The following HEATR5B variants were observed in gnomAD, a reference collection of about 807,000 sequenced individuals.
The protein encoded by HEATR5B is HEAT repeat-containing protein 5B.
Under a neutral mutation model 224.1 loss-of-function variants are expected in HEATR5B, and 156 were observed. The observed-to-expected ratio is 0.70, with a 90% CI of 0.61 to 0.80. The LOEUF is 0.80. HEATR5B is among the 30% of genes least tolerant of loss of function. The pLI is 0.00. For missense variants in HEATR5B, 2,323 were observed against 2,535.5 expected (o/e 0.92, Z 1.80); for synonymous variants, 1,027 against 893.0 (o/e 1.15, Z -2.68).
intron 34 of HEATR5B, 138 bp downstream of exon 34, chr2:36,990,506 ATTTG>A (rs1254911201): frequency 1.5e-5 from 10 of 651,096 alleles, no homozygotes; most frequent in African/African-American, 3.6e-5. Context: ...AAACCCAGTG[ATTTG>A]TTTCAGTTTT....
intron 12 of HEATR5B, among the ~76,000 whole-genome samples, chr2:37,060,117 T>C (rs1010782509): frequency 5.3e-5 from 8 of 152,228 alleles, no homozygotes; most frequent in African/African-American, 9.6e-5. Flanking sequence ...ATTTTTGTAA[T>C]GTTGATATCT....
intron 30 of HEATR5B, among the ~76,000 whole-genome samples, chr2:37,004,612 G>A (rs1667295216): frequency 6.6e-6 from 1 of 151,702 alleles, no homozygotes; most frequent in South Asian, 2.1e-4. Flanking sequence ...TCCTCTGCGG[G>A]AGGTCACCAA....
At position 37,011,115 on chromosome 2, in the gene HEATR5B, T is replaced by G. The variant is rs541487339; in HGVS notation, c.4285-2267A>C. Among the ~76,000 whole-genome samples, 7 of 152,318 alleles carry G rather than the reference T, an allele frequency of 4.6e-5. No homozygotes were observed. In the East Asian group the frequency reaches 1.3e-3, roughly 29 times the overall value. ...TGCACAGACAGTGTCTGGTACCTAA[T>G]GAACACTCGGCAGTTTATGCAATGA... On this transcript the variant is annotated intron_variant, in intron 27 of 35. Transcript: ENST00000233099.
chr2:37,010,123 T>C (rs1667695758), intron 27 of HEATR5B, among the ~76,000 whole-genome samples: 1 of 152,218 alleles, frequency 6.6e-6, no homozygotes, highest in Non-Finnish European at 1.5e-5. Flanking sequence ...TTTTCCTTTG[T>C]TTTGTAATAC....
Position 37,058,490 on chromosome 2 carries a change from A to G in HEATR5B, c.2020T>C (p.Tyr674His). The G allele has an allele frequency of 6.2e-7, 1 of 1,612,678 alleles. No homozygotes were observed. Among genetic ancestry groups the G allele is most frequent in the Non-Finnish European group, 8.5e-7 (1 of 1,178,822 alleles). ...ASAAMVRLRL[Y>H]DILALLPPKT... Reference sequence around the variant, plus strand: ...GGAGGTAACAAAGCCAAGATATCATAAAGTCTTAAACGGACCATTGCAGCA... The same window carrying G: ...GGAGGTAACAAAGCCAAGATATCATGAAGTCTTAAACGGACCATTGCAGCA... Residue 674 changes from tyrosine to histidine, a missense_variant, in exon 14 of 36, where the codon TAT becomes CAT. This residue lies in a region of HEATR5B where 502 missense variants were observed against 517.8 expected (regional missense o/e 0.97). Coordinates refer to ENST00000233099, the MANE Select transcript of HEATR5B (RefSeq NM_019024.3).
Position 37,079,215 on chromosome 2 carries a change from G to A in HEATR5B, c.243C>T (p.Ser81=). 1 of 1,603,276 alleles carries A rather than the reference G, an allele frequency of 6.2e-7. No homozygotes were observed. Among genetic ancestry groups the A allele is most frequent in the Non-Finnish European group, 8.5e-7 (1 of 1,170,174 alleles). ...LLAKNLAALY[S]IGDTFTVFQT... ...GAAAAACTGTGAAAGTATCCCCAAT[G>A]CTATAAAGGGCTGCGAGATTTTTAG... The change falls in exon 3 of 36, where the codon AGC becomes AGT. Residue 81 remains serine, a synonymous_variant. Transcript: ENST00000233099.
At position 37,056,551 on chromosome 2, in the gene HEATR5B, C is replaced by G. The variant is rs925260199; in HGVS notation, c.2288G>C (p.Arg763Pro). 4 of 1,612,728 alleles carry G rather than the reference C, an allele frequency of 2.5e-6. No homozygotes were observed. The highest frequency in any genetic ancestry group is 2.7e-5 in the African/African-American group (2 of 74,792). Residue 763 changes from arginine (R) to proline (P), a missense_variant, in exon 16 of 36, where the codon CGC becomes CCC. By Grantham distance (103) the Arg-to-Pro change is moderately radical. Around this residue, in one of 12 missense-constraint regions of HEATR5B, gnomAD observed 170 missense variants for 216.7 expected, o/e 0.78. Transcript: ENST00000233099. Reference protein sequence around the residue: ...LEHDPSSIYLRIPAGEAVPGP... With the variant: ...LEHDPSSIYLPIPAGEAVPGP... ...AGGTACTGCTTCTCCAGCAGGTATG[C>G]GTAAATAAATAGAGGAAGGATCATG...
chr2:37,077,727 A>C (rs1224851311), intron 3 of HEATR5B, among the ~76,000 whole-genome samples: 1 of 152,220 alleles, frequency 6.6e-6, no homozygotes. Context: ...TATATCATTT[A>C]CTGTGTTGTA....
At chr2:37,072,451 G>A (rs1247144779) in intron 5 of HEATR5B, among the ~76,000 whole-genome samples, 170 bp from the exon 6 acceptor site, 3 of 152,050 alleles carry the variant, frequency 2.0e-5, no homozygotes, top group African/African-American at 2.4e-5. Flanking sequence ...CATCTTTGAG[G>A]AAAAAAACAA....
At chr2:37,045,658 G>A (rs1670144965) in intron 18 of HEATR5B, among the ~76,000 whole-genome samples, 2 of 152,084 alleles carry the variant, frequency 1.3e-5, no homozygotes, top group African/African-American at 4.8e-5. Context: ...TGATCCTTCT[G>A]TTCATAGCTC....
chr2:37,066,528 C>G (rs1056320353), intron 8 of HEATR5B, among the ~76,000 whole-genome samples: 5 of 152,164 alleles, frequency 3.3e-5, no homozygotes, highest in Admixed American at 6.5e-5. Flanking sequence ...TTACCTCTTA[C>G]TGGAATGTTT....
Position 37,041,179 on chromosome 2 carries a change from C to G in HEATR5B, c.2810G>C (p.Ser937Thr). 3.7e-6 allele frequency: 6 copies of G among 1,614,024 alleles called. No homozygotes were observed. The highest frequency in any genetic ancestry group is 5.1e-6 in the Non-Finnish European group (6 of 1,179,934). The part of the protein sequence containing the change: ...GSGQHLKTSV[S>T]ILLALAQDGT... ...ATCTTGTGCTAGAGCCAATAAAATG[C>G]TGACACTGGTCTTCAGATGTTGTCC... The change falls in exon 19 of 36, where the codon AGC becomes ACC. Residue 937 changes from serine to threonine, a missense_variant. Ser to Thr is a moderately conservative substitution (Grantham distance 58, BLOSUM62 1). This residue lies in a region of HEATR5B where 11 missense variants were observed against 45.1 expected (regional missense o/e 0.24). Transcript: ENST00000233099.
chr2:37,020,893 C>T, intron 24 of HEATR5B, 57 bp from the exon 25 acceptor site: 1 of 950,190 alleles, frequency 1.1e-6, no homozygotes, highest in Admixed American at 3.3e-5. Flanking sequence ...AGTGTAATAA[C>T]ATAAAAATAT....
In HEATR5B at chr2:37,058,975, A is replaced by T; in HGVS notation, c.1862T>A (p.Phe621Tyr). 1 of 1,607,370 alleles carries T rather than the reference A, an allele frequency of 6.2e-7. No individual in the cohort carries two copies. Among genetic ancestry groups the T allele is most frequent in the South Asian group, 1.1e-5 (1 of 89,980 alleles). ...RAGALCAMRS[F>Y]VAHCPELLTE... ...TAGTAGCTCAGGACAATGTGCAACG[A>T]AGCTCCTCATGGCTAGATAAAATGT... Residue 621 changes from phenylalanine (F) to tyrosine (Y), a missense_variant, in exon 13 of 36, where the codon TTC (phenylalanine) becomes TAC (tyrosine). By Grantham distance (22) the Phe-to-Tyr change is conservative (BLOSUM62 3). This residue lies in a region of HEATR5B where 502 missense variants were observed against 517.8 expected (regional missense o/e 0.97). Coordinates refer to ENST00000233099, the MANE Select transcript of HEATR5B (RefSeq NM_019024.3).
At chr2:37,027,406 A>C (rs1390087783) in intron 24 of HEATR5B, among the ~76,000 whole-genome samples, 3 of 152,200 alleles carry the variant, frequency 2.0e-5, no homozygotes, top group Admixed American at 6.5e-5. Context: ...AAAGTTTACA[A>C]AAGATAAAAA....
chr2:37,000,566 G>A lies in HEATR5B; in HGVS notation c.5545+20C>T, dbSNP rs1442637599. 3.7e-6 allele frequency: 6 copies of A among 1,600,524 alleles called. No individual in the cohort carries two copies. Among genetic ancestry groups the A allele is most frequent in the South Asian group, 1.1e-5 (1 of 90,820 alleles). Reference sequence around the variant, plus strand: ...AACACATATCCTAACTAACTAAAACGTTTAAAACTGATAGGTTACCTGGTT... The same window carrying A: ...AACACATATCCTAACTAACTAAAACATTTAAAACTGATAGGTTACCTGGTT... On this transcript the variant is annotated intron_variant, in intron 33 of 35. Transcript: ENST00000233099.
chr2:37,024,900 T>C (rs1484661986), intron 24 of HEATR5B, among the ~76,000 whole-genome samples: 4 of 152,164 alleles, frequency 2.6e-5, no homozygotes, highest in Non-Finnish European at 5.9e-5. Flanking sequence ...AAGCAAGACC[T>C]CCGTCTTTTT....
At chr2:37,032,107 C>T (rs1669171433) in intron 22 of HEATR5B, among the ~76,000 whole-genome samples, 1 of 152,154 alleles carries the variant, frequency 6.6e-6, no homozygotes, top group Non-Finnish European at 1.5e-5. Context: ...TCGCAAGAGG[C>T]TAACTACCAC....
intron 5 of HEATR5B, among the ~76,000 whole-genome samples, chr2:37,074,215 T>C (rs549822554): frequency 1.3e-5 from 2 of 150,606 alleles, no homozygotes; most frequent in South Asian, 2.1e-4. Context: ...CCCAGCTACT[T>C]GGGAGGCTGA....
Sources: gnomAD v4.1 joint callset for allele counts (sites outside exome capture counted in the v4.1 genomes callset) on GRCh38, gnomAD v4.1.1 for gene constraint, gnomAD v4.1.1 regional missense constraint, MANE v1.5 for transcripts, NCBI Gene and HGNC (gene_info 2026-07-23, HGNC 2026-07-21) for gene names.